The following COL17A1 variants were observed in gnomAD, a reference collection of about 807,000 sequenced individuals.
COL17A1 encodes collagen type XVII alpha 1 chain.
Under a neutral mutation model 218.4 loss-of-function variants are expected in COL17A1, and 181 were observed. That is an observed-to-expected ratio of 0.83 (90% CI 0.73 to 0.94). The LOEUF is 0.94. COL17A1 is among the 40% of genes least tolerant of loss of function. COL17A1 has a pLI of 0.00. For missense variants in COL17A1, 1,924 were observed against 1,945.9 expected (o/e 0.99, Z 0.21); for synonymous variants, 721 against 731.0 (o/e 0.99, Z 0.22).
intron 6 of COL17A1, 108 bp downstream of exon 6, chr10:104,074,076 G>T (rs1589576904): frequency 1.3e-6 from 2 of 1,556,550 alleles, no homozygotes; most frequent in South Asian, 2.2e-5. Flanking sequence ...TCTTTTAGAA[G>T]AATCCATTTA....
In COL17A1 at chr10:104,032,292, T is replaced by C. The variant is rs1350629045; in HGVS notation, c.4439-2A>G. 1 of 1,613,690 alleles carries C rather than the reference T, an allele frequency of 6.2e-7. No individual in the cohort carries two copies. The highest frequency in any genetic ancestry group is 8.5e-7 in the Non-Finnish European group (1 of 1,179,560). ...TCCGCCCAGCATAGACTTGGTCACC[T>C]GAAAGTTAGAAGATCAGTAGGAAGT... On this transcript the variant is annotated splice_acceptor_variant, in intron 55 of 55. Coordinates refer to ENST00000648076, the MANE Select transcript of COL17A1 (RefSeq NM_000494.4). LOFTEE classifies it high-confidence loss of function.
chr10:104,059,874 C>G (rs2086566367), intron 14 of COL17A1, among the ~76,000 whole-genome samples, 156 bp from the exon 15 acceptor site: 1 of 152,284 alleles, frequency 6.6e-6, no homozygotes, highest in Non-Finnish European at 1.5e-5. Flanking sequence ...CTCCCCTGAT[C>G]TGTGTTTGCG....
chr10:104,078,618 A>G, intron 2 of COL17A1, 32 bp from the exon 3 acceptor site: 1 of 1,613,930 alleles, frequency 6.2e-7, no homozygotes, highest in South Asian at 1.1e-5. Flanking sequence ...ATGAGTTCTT[A>G]TGTAATGCAC....
rs903011547 is a variant in COL17A1 at position 104,031,405 on chromosome 10, T to TC, written c.*829dup. On this transcript the variant is annotated 3_prime_UTR_variant, in exon 56 of 56. Transcript: ENST00000648076. ...GTGGTTAAAGACCAACTGCGCCCAG[T>TC]CCCCCAAGTGCCATTTTCTGAGTGC... The TC allele has an allele frequency of 2.0e-5, 3 of 152,528 alleles. No individual in the cohort carries two copies. Among genetic ancestry groups the TC allele is most frequent in the African/African-American group, 7.2e-5 (3 of 41,426 alleles). 9.4% of individuals were successfully genotyped at this position (152,528 alleles called of 1,614,324 possible).
intron 9 of COL17A1, 134 bp from the exon 10 acceptor site, chr10:104,064,730 TC>T: frequency 1.2e-6 from 1 of 824,704 alleles, no homozygotes; most frequent in Non-Finnish European, 2.0e-6. Flanking sequence ...ACTTTCTCAG[TC>T]CAGGAACCTG....
intron 30 of COL17A1, 80 bp from the exon 31 acceptor site, chr10:104,047,890 T>C: frequency 6.9e-7 from 1 of 1,445,588 alleles, no homozygotes; most frequent in Non-Finnish European, 9.7e-7. Flanking sequence ...TGATAGTTTC[T>C]GAGGGTTTTC....
At chr10:104,052,290 T>A in intron 23 of COL17A1, 73 bp from the exon 24 acceptor site, 1 of 1,593,566 alleles carries the variant, frequency 6.3e-7, no homozygotes, top group South Asian at 1.1e-5. Flanking sequence ...GGCACTGTCA[T>A]TTGGAGGGGA....
rs1220962702 is a variant in COL17A1 at position 104,035,384 on chromosome 10, A to C, written c.3509-11T>G. On this transcript the variant is annotated splice_polypyrimidine_tract_variant and intron_variant, in intron 49 of 55. Coordinates refer to ENST00000648076, the MANE Select transcript of COL17A1 (RefSeq NM_000494.4). Reference sequence around the variant, plus strand: ...CTCTGAATTCAGACCCTGAGACACCAAGGGAGGGCACGGAGTCAGTCCTGG... The same window carrying C: ...CTCTGAATTCAGACCCTGAGACACCCAGGGAGGGCACGGAGTCAGTCCTGG... 1 of 1,613,674 alleles carries C rather than the reference A, an allele frequency of 6.2e-7. No homozygotes were observed. The highest frequency in any genetic ancestry group is 1.1e-5 in the South Asian group (1 of 91,052).
chr10:104,065,859 G>C (rs761601497), intron 9 of COL17A1, among the ~76,000 whole-genome samples: 25 of 152,220 alleles, frequency 1.6e-4, no homozygotes, highest in Admixed American at 1.4e-3. Context: ...GGATAGATCT[G>C]CCACCTTGTT....
At position 104,060,163 on chromosome 10, in the gene COL17A1, T is replaced by A; in HGVS notation, c.1097A>T (p.Asp366Val). ...GGAGGCTGTAAAGACCTTCCCGCTG[T>A]CCTTGGTCATGATGAGCAGCTCCAT... Reference protein sequence around the residue: ...KEMELLIMTKDSGKVFTASPA... With the variant: ...KEMELLIMTKVSGKVFTASPA... Residue 366 changes from aspartate (D) to valine (V), a missense_variant, in exon 14 of 56, where the codon GAC becomes GTC. By Grantham distance (152) the Asp-to-Val change is radical. Transcript: ENST00000648076. 6.2e-7 allele frequency: 1 copy of A among 1,614,180 alleles called. No homozygotes were observed. The highest frequency in any genetic ancestry group is 8.5e-7 in the Non-Finnish European group (1 of 1,180,014).
At position 104,038,400 on chromosome 10, in the gene COL17A1, A is replaced by G. The variant is rs1343356425; in HGVS notation, c.3070+6T>C. The G allele has an allele frequency of 6.2e-7, 1 of 1,613,460 alleles. No individual in the cohort carries two copies. Among genetic ancestry groups the G allele is most frequent in the Non-Finnish European group, 8.5e-7 (1 of 1,179,946 alleles). ...TCCCCACGGCTTGCGGCGGCCAGCT[A>G]CTCACTCTGCATGTACTCAGAGATG... On this transcript the variant is annotated splice_donor_region_variant and intron_variant, in intron 45 of 55. Transcript: ENST00000648076.
In COL17A1 at chr10:104,070,428, G is replaced by T; in HGVS notation, c.605C>A (p.Ser202Ter). 1 of 1,613,434 alleles carries T rather than the reference G, an allele frequency of 6.2e-7. No individual in the cohort carries two copies. The change falls in exon 9 of 56, where the codon TCG becomes TAG. Residue 202 changes from serine to a stop codon, truncating the protein, a stop_gained and splice_region_variant. Transcript: ENST00000648076. LOFTEE classifies it high-confidence loss of function. ...GCAGCCTGGGCTGTCAGACTTACCCGACTGGGAGCTCGCTGTCACAATTTT... is the reference window on the plus strand; with the variant it reads ...GCAGCCTGGGCTGTCAGACTTACCCTACTGGGAGCTCGCTGTCACAATTTT... ...ETKIVTASSQ[S>*]VSGTYDATIL...
At chr10:104,040,117 TC>T in intron 40 of COL17A1, 118 bp from the exon 41 acceptor site, 1 of 1,217,892 alleles carries the variant, frequency 8.2e-7, no homozygotes, top group Non-Finnish European at 1.2e-6. Context: ...AACTTGGGGT[TC>T]CTTGTGCCTC....
In COL17A1 at chr10:104,070,517, A is replaced by G; in HGVS notation, c.516T>C (p.Ser172=). ...KRLLKGSRSA[S]VSPTRNSSNT... ...TGGAGGAATTCCGGGTGGGGCTCAC[A>G]CTTGCCGATCGACTCCCCTTGAGCA... Residue 172 remains serine, a synonymous_variant, in exon 9 of 56, where the codon AGT becomes AGC. Coordinates refer to ENST00000648076, the MANE Select transcript of COL17A1 (RefSeq NM_000494.4). 1 of 1,614,160 alleles carries G rather than the reference A, an allele frequency of 6.2e-7. No homozygotes were observed. The highest frequency in any genetic ancestry group is 8.5e-7 in the Non-Finnish European group (1 of 1,180,036).
Position 104,050,881 on chromosome 10 carries a change from G to A in COL17A1, c.2059C>T (p.Leu687Phe). 1 of 1,614,168 alleles carries A rather than the reference G, an allele frequency of 6.2e-7. No individual in the cohort carries two copies. Among genetic ancestry groups the A allele is most frequent in the Non-Finnish European group, 8.5e-7 (1 of 1,180,034 alleles). Residue 687 changes from leucine to phenylalanine, a missense_variant, in exon 26 of 56, where the codon CTC (leucine) becomes TTC (phenylalanine). Leu to Phe is a conservative substitution (Grantham distance 22). Coordinates refer to ENST00000648076, the MANE Select transcript of COL17A1 (RefSeq NM_000494.4). ...CCAGGAAGTCCTACTTCACCTCGGAGCCCTTGGAGACCTACAGGACCTGCC... is the reference window on the plus strand; with the variant it reads ...CCAGGAAGTCCTACTTCACCTCGGAACCCTTGGAGACCTACAGGACCTGCC... ...GPPGPVGLQGLRGEVGLPGVK... is the reference protein window; with the variant it reads ...GPPGPVGLQGFRGEVGLPGVK...
intron 4 of COL17A1, 111 bp downstream of exon 4, chr10:104,077,311 T>C (rs2086719121): frequency 1.2e-6 from 1 of 814,402 alleles, no homozygotes; most frequent in Middle Eastern, 2.2e-4. Flanking sequence ...ATTGTCCCTT[T>C]TGTGCACTGA....
chr10:104,031,695 A>C lies in COL17A1; in HGVS notation c.*540T>G, dbSNP rs1050830893. The C allele has an allele frequency of 8.0e-5, 13 of 163,140 alleles. 1 individual carries two copies. Among genetic ancestry groups the C allele is most frequent in the Non-Finnish European group, 6.8e-5 (5 of 73,464 alleles). The allele number at this position is 163,140 out of a possible 1,614,324, so 10.1% of individuals were successfully genotyped here. A position where few individuals can be genotyped will look rare whatever the true frequency, so the allele number is the denominator to read the frequency against. The stretch of plus-strand genomic sequence containing the variant: ...ATCATCACCTCCTAGAGGGGAAGTG[A>C]ATTTCTTAATTTTTTTAGTTGCAAG... On this transcript the variant is annotated 3_prime_UTR_variant, in exon 56 of 56. Coordinates refer to ENST00000648076, the MANE Select transcript of COL17A1 (RefSeq NM_000494.4).
chr10:104,033,001 C>G, intron 53 of COL17A1, 33 bp from the exon 54 acceptor site: 3 of 1,607,602 alleles, frequency 1.9e-6, no homozygotes, highest in Non-Finnish European at 2.5e-6. Flanking sequence ...GCCTTAGAGT[C>G]TTGATCACCT....
chr10:104,061,348 C>G, intron 13 of COL17A1, 57 bp downstream of exon 13: 1 of 1,472,886 alleles, frequency 6.8e-7, no homozygotes, highest in African/African-American at 1.4e-5. Flanking sequence ...AGGATTACTG[C>G]AGAGTAATCC....
Sources: allele counts gnomAD v4.1 joint callset (sites outside exome capture counted in the v4.1 genomes callset), GRCh38; gene constraint gnomAD v4.1.1; transcripts MANE v1.5; gene names NCBI Gene and HGNC (gene_info 2026-07-23, HGNC 2026-07-21).